The following PTPRD variants were observed in gnomAD, a reference collection of about 807,000 sequenced individuals.
PTPRD encodes receptor-type tyrosine-protein phosphatase delta.
A neutral mutation model predicts 214.5 loss-of-function variants in PTPRD; 34 were observed. That is an observed-to-expected ratio of 0.16 (90% confidence interval 0.12 to 0.21). The LOEUF (loss-of-function observed/expected upper bound fraction) is 0.21. Among genes scored for constraint, PTPRD ranks in the 10% least tolerant of loss-of-function variants. PTPRD has a pLI of 1.00. For synonymous variants in PTPRD, 1,128 were observed against 845.7 expected (o/e 1.33, Z -5.79); for missense variants, 2,545 against 2,398.7 (o/e 1.06, Z -1.27).
intron 3 of PTPRD, among the ~76,000 whole-genome samples, chr9:10,221,429 T>G (rs1049587689): frequency 6.6e-6 from 1 of 152,036 alleles, no homozygotes; most frequent in African/African-American, 2.4e-5. Context: ...AAGGGATTTT[T>G]TAAGCTTCCA....
chr9:9,596,030 T>C (rs1324603224), intron 7 of PTPRD, among the ~76,000 whole-genome samples: 2 of 152,188 alleles, frequency 1.3e-5, no homozygotes, highest in African/African-American at 2.4e-5. Context: ...TGTGATCTCA[T>C]GGTTACATAT....
chr9:8,457,699 A>G (rs1174667654), intron 33 of PTPRD, among the ~76,000 whole-genome samples: 3 of 152,122 alleles, frequency 2.0e-5, no homozygotes, highest in Non-Finnish European at 4.4e-5. Context: ...TATATGATAA[A>G]GTGGATTATC....
At chr9:9,087,613 C>T (rs2099769074) in intron 10 of PTPRD, among the ~76,000 whole-genome samples, 1 of 152,046 alleles carries the variant, frequency 6.6e-6, no homozygotes, top group Non-Finnish European at 1.5e-5. Flanking sequence ...TTACATTGTG[C>T]TAGAGTTCAT....
intron 2 of PTPRD, among the ~76,000 whole-genome samples, chr9:10,552,069 G>T (rs117490271): frequency 0.018 from 2,781 of 152,212 alleles, 32 homozygotes; most frequent in South Asian, 0.042. Context: ...AAGGATTCAT[G>T]TTATATCACT....
intron 5 of PTPRD, among the ~76,000 whole-genome samples, chr9:9,788,066 G>C (rs1457595539): frequency 6.6e-6 from 1 of 151,698 alleles, no homozygotes; most frequent in Non-Finnish European, 1.5e-5. Context: ...TTACAGGCGT[G>C]AGCCATCGCG....
chr9:10,363,128 T>G (rs1216530718), intron 2 of PTPRD, among the ~76,000 whole-genome samples: 1 of 152,182 alleles, frequency 6.6e-6, no homozygotes, highest in Non-Finnish European at 1.5e-5. Context: ...ATTTTCTGAT[T>G]TATTTTTTCT....
chr9:9,629,801 C>G (rs762526257), intron 7 of PTPRD, among the ~76,000 whole-genome samples: 1 of 152,140 alleles, frequency 6.6e-6, no homozygotes, highest in Non-Finnish European at 1.5e-5. Flanking sequence ...AAAGAATTAC[C>G]CAAAACTACA....
rs566278520 is a variant in PTPRD at position 8,325,794 on chromosome 9, A to G, written c.5534+5788T>C. ...GTAGTTCTCCTTGAAGAGGTCCTTC[A>G]CATTCCTTGTTAAGTTGGACTCCTA... On this transcript the variant is annotated intron_variant, in intron 44 of 45. Transcript: ENST00000381196. 1.1e-4 allele frequency among the ~76,000 whole-genome samples: 13 copies of G among 115,364 alleles called. No homozygotes were observed. In the South Asian group the frequency reaches 3.5e-3, roughly 31 times the overall value. The allele number at this position is 115,364 out of a possible 152,430, so 75.7% of individuals were successfully genotyped here. A position where few individuals can be genotyped will look rare whatever the true frequency, so the allele number is the denominator to read the frequency against.
chr9:8,696,760 G>C (rs950066298), intron 12 of PTPRD, among the ~76,000 whole-genome samples: 5 of 152,160 alleles, frequency 3.3e-5, no homozygotes, highest in African/African-American at 1.2e-4. Context: ...AAGATAAGGA[G>C]TTTTTACTTC....
chr9:8,908,200 T>C (rs1036984097), intron 11 of PTPRD, among the ~76,000 whole-genome samples: 1 of 152,146 alleles, frequency 6.6e-6, no homozygotes, highest in Non-Finnish European at 1.5e-5. Flanking sequence ...TCAGCAAAAC[T>C]GTCTTTCAAA....
chr9:9,973,257 A>G (rs1395876625), intron 4 of PTPRD, among the ~76,000 whole-genome samples: 3 of 149,562 alleles, frequency 2.0e-5, no homozygotes, highest in East Asian at 3.9e-4. Context: ...GAGCTCAGGA[A>G]TTTGAGACTA....
At chr9:9,204,106 C>A (rs939405471) in intron 9 of PTPRD, among the ~76,000 whole-genome samples, 1 of 152,014 alleles carries the variant, frequency 6.6e-6, no homozygotes, top group Non-Finnish European at 1.5e-5. Context: ...TAATGCTGTG[C>A]GCCAGGGAAC....
chr9:8,818,397 C>G (rs1339286056), intron 11 of PTPRD, among the ~76,000 whole-genome samples: 2 of 152,096 alleles, frequency 1.3e-5, no homozygotes, highest in Non-Finnish European at 2.9e-5. Context: ...ATAATACTGC[C>G]TTTAACAATA....
chr9:10,488,802 T>C (rs1024769339), intron 2 of PTPRD, among the ~76,000 whole-genome samples: 13 of 152,072 alleles, frequency 8.5e-5, no homozygotes, highest in African/African-American at 3.1e-4. Context: ...CCAAAGTCTC[T>C]TCAGCCAGAT....
At chr9:10,521,854 T>C (rs1345156493) in intron 2 of PTPRD, among the ~76,000 whole-genome samples, 2 of 152,278 alleles carry the variant, frequency 1.3e-5, no homozygotes, top group Non-Finnish European at 2.9e-5. Flanking sequence ...TAGGCTACAG[T>C]ATAGTTTAGT....
At chr9:8,371,853 G>C (rs1457616210) in intron 39 of PTPRD, among the ~76,000 whole-genome samples, 2 of 152,016 alleles carry the variant, frequency 1.3e-5, no homozygotes, top group Non-Finnish European at 2.9e-5. Flanking sequence ...CTGAGATCCA[G>C]AGATGAAGAT....
chr9:8,606,998 T>A (rs982178996), intron 14 of PTPRD, among the ~76,000 whole-genome samples: 1 of 152,114 alleles, frequency 6.6e-6, no homozygotes, highest in Non-Finnish European at 1.5e-5. Context: ...AGCAGACACA[T>A]AAATCAATGG....
intron 3 of PTPRD, among the ~76,000 whole-genome samples, chr9:10,271,871 C>T (rs1039017348): frequency 1.3e-5 from 2 of 151,916 alleles, no homozygotes; most frequent in Non-Finnish European, 2.9e-5. Flanking sequence ...CATTGGAATT[C>T]TTCTTTGATT....
chr9:8,486,462 A>C lies in PTPRD; in HGVS notation c.2468-113T>G, dbSNP rs778308889. 6 of 897,386 alleles carry C rather than the reference A, an allele frequency of 6.7e-6. No homozygotes were observed. In the South Asian group the frequency reaches 7.9e-5, roughly 12 times the overall value. 55.6% of individuals were successfully genotyped at this position (897,386 alleles called of 1,614,324 possible). ...GGTATTCCCATTTTCTTACTTACCA[A>C]AACAAAACAAAACAGGCAATGTTTG... On this transcript the variant is annotated intron_variant, in intron 27 of 45. Coordinates refer to ENST00000381196, the MANE Select transcript of PTPRD (RefSeq NM_002839.4).
Sources: allele counts gnomAD v4.1 joint callset (sites outside exome capture counted in the v4.1 genomes callset), GRCh38; gene constraint gnomAD v4.1.1; transcripts MANE v1.5; gene names NCBI Gene and HGNC (gene_info 2026-07-23, HGNC 2026-07-21).